Variants in AFF4 observed in about 807,000 individuals in gnomAD.
AFF4 encodes the protein ALF transcription elongation factor 4.
AFF4 carries 13 observed loss-of-function variants against 124.8 expected under a neutral mutation model. The ratio of observed to expected loss-of-function variants is 0.10; its 90% CI spans 0.07 to 0.17. The LOEUF (loss-of-function observed/expected upper bound fraction) is 0.17, where lower values mean the gene tolerates loss of function less well. Ranked by LOEUF, AFF4 falls within the 10% of genes least tolerant of loss-of-function variation. The probability of loss-of-function intolerance (pLI) is 1.00; values close to 1 mark genes in which losing one functional copy is unlikely to be tolerated. For synonymous variants in AFF4, 477 were observed against 496.1 expected (o/e 0.96, Z 0.51); for missense variants, 1,092 against 1,403.8 (o/e 0.78, Z 3.55).
chr5:132,880,290 C>G lies in AFF4; in HGVS notation c.*769G>C. 2.5e-6 allele frequency: 1 copy of G among 398,940 alleles called. No homozygotes were observed. Among genetic ancestry groups the G allele is most frequent in the Non-Finnish European group, 4.4e-6 (1 of 226,022 alleles). 24.7% of individuals were successfully genotyped at this position (398,940 alleles called of 1,614,324 possible). ...GAAATGCTTCTTCTAGAAAGTTTGT[C>G]CTCCCTCTTTTGTAATGCATTAAAT... On this transcript the variant is annotated 3_prime_UTR_variant, in exon 21 of 21. Coordinates refer to ENST00000265343, the MANE Select transcript of AFF4 (RefSeq NM_014423.4).
chr5:132,941,095 G>C (rs1160215032), intron 1 of AFF4, among the ~76,000 whole-genome samples: 1 of 150,744 alleles, frequency 6.6e-6, no homozygotes, highest in African/African-American at 2.4e-5. Flanking sequence ...ATTTTTTTCT[G>C]ATCTTTTTGT....
Position 132,885,058 on chromosome 5 carries a change from T to A in AFF4, c.3143+18A>T. 6.4e-7 allele frequency: 1 copy of A among 1,571,598 alleles called. No individual in the cohort carries two copies. Among genetic ancestry groups the A allele is most frequent in the Non-Finnish European group, 8.7e-7 (1 of 1,154,170 alleles). ...TTTATTGCCACAATAATATTTTACA[T>A]AATAAAATTTTACCTACCTTCCCAA... On this transcript the variant is annotated intron_variant, in intron 19 of 20. Transcript: ENST00000265343.
chr5:132,957,262 G>A (rs1446034409), intron 1 of AFF4, among the ~76,000 whole-genome samples: 1 of 150,530 alleles, frequency 6.6e-6, no homozygotes, highest in Non-Finnish European at 1.5e-5. Flanking sequence ...GATCACATGT[G>A]TGCAGCAGAT....
chr5:132,882,939 T>G (rs1193458897), intron 20 of AFF4, among the ~76,000 whole-genome samples: 6 of 151,962 alleles, frequency 3.9e-5, no homozygotes, highest in Non-Finnish European at 7.4e-5. Context: ...AAATCCAGTA[T>G]GAGCATGCTT....
chr5:132,881,121 G>C lies in AFF4; in HGVS notation c.3430C>G (p.Leu1144Val). The C allele has an allele frequency of 1.2e-6, 2 of 1,614,230 alleles. No individual in the cohort carries two copies. Among genetic ancestry groups the C allele is most frequent in the Non-Finnish European group, 1.7e-6 (2 of 1,180,038 alleles). ...AGTCCCTGCCGGGTATAACGAACTA[G>C]ATCTGTCATGATGCTTGCATTAAAG... Reference protein sequence around the residue: ...LIFNASIMTDLVRYTRQGLHW... With the variant: ...LIFNASIMTDVVRYTRQGLHW... Residue 1144 changes from leucine to valine, a missense_variant, in exon 21 of 21, where the codon CTA (leucine) becomes GTA (valine). Coordinates refer to ENST00000265343, the MANE Select transcript of AFF4 (RefSeq NM_014423.4).
chr5:132,880,137 C>A lies in AFF4; in HGVS notation c.*922G>T, dbSNP rs1461043651. 1 of 398,264 alleles carries A rather than the reference C, an allele frequency of 2.5e-6. No individual in the cohort carries two copies. The highest frequency in any genetic ancestry group is 4.4e-5 in the Admixed American group (1 of 22,716). The allele number at this position is 398,264 out of a possible 1,614,324, so 24.7% of individuals were successfully genotyped here. On this transcript the variant is annotated 3_prime_UTR_variant, in exon 21 of 21. Transcript: ENST00000265343. ...AGGCGGCAATCCTCAGGAGTTGGAT[C>A]ATCCTTTTTTCCACAGTAACTTATT...
chr5:132,954,878 C>T lies in AFF4; in HGVS notation c.-5+8381G>A, dbSNP rs11743267. ...ATGCTCTTTTATCATTTGCTGTCCA[C>T]GGATGGCTAAGTGTTAAGCTCACTG... is the stretch of plus-strand genomic sequence containing the variant. On this transcript the variant is annotated intron_variant, in intron 1 of 20. Transcript: ENST00000265343. 7.0e-3 allele frequency among the ~76,000 whole-genome samples: 1,071 copies of T among 152,304 alleles called. 15 individuals are homozygous for T. The highest frequency in any genetic ancestry group is 0.025 in the South Asian group (122 of 4,826).
chr5:132,907,917 G>A (rs1244258938), intron 5 of AFF4, among the ~76,000 whole-genome samples: 1 of 152,028 alleles, frequency 6.6e-6, no homozygotes, highest in Non-Finnish European at 1.5e-5. Context: ...CAGACTTATA[G>A]ACCATATTAA....
rs1042198989 is a variant in AFF4 at position 132,880,748 on chromosome 5, T to A, written c.*311A>T. 1 of 288,462 alleles carries A rather than the reference T, an allele frequency of 3.5e-6. No homozygotes were observed. The highest frequency in any genetic ancestry group is 2.1e-5 in the African/African-American group (1 of 46,958). 17.9% of individuals were successfully genotyped at this position (288,462 alleles called of 1,614,324 possible). ...CCCCAATCTGGGAACTTAAAAAAATTAAAATAAATAAAATTTCAATTCATT... is the reference window on the plus strand; with the variant it reads ...CCCCAATCTGGGAACTTAAAAAAATAAAAATAAATAAAATTTCAATTCATT... On this transcript the variant is annotated 3_prime_UTR_variant, in exon 21 of 21. Transcript: ENST00000265343.
Position 132,908,901 on chromosome 5 carries a change from G to C in AFF4, c.1051-4497C>G, listed in dbSNP as rs190538192. 9.1e-3 allele frequency among the ~76,000 whole-genome samples: 1,367 copies of C among 150,802 alleles called. 48 individuals are homozygous for C. Among genetic ancestry groups the C allele is most frequent in the Admixed American group, 0.065 (982 of 15,098 alleles). Reference sequence around the variant, plus strand: ...TTCTCCTGCCTCAGCCTTCCAAGTAGCTGGGATTACAGGCACCTGCCACCA... The same window carrying C: ...TTCTCCTGCCTCAGCCTTCCAAGTACCTGGGATTACAGGCACCTGCCACCA... On this transcript the variant is annotated intron_variant, in intron 5 of 20. Coordinates refer to ENST00000265343, the MANE Select transcript of AFF4 (RefSeq NM_014423.4).
rs55844143 is a variant in AFF4 at position 132,904,421 on chromosome 5, T to G, written c.1051-17A>C. 4,370 of 1,600,292 alleles carry G rather than the reference T, an allele frequency of 2.7e-3. 124 individuals carry two copies. In the African/African-American group the frequency reaches 0.053, roughly 19 times the overall value. Reference sequence around the variant, plus strand: ...CTGAGACTCCTAAGAAAAAGGAACATAAAATTATACAAAGTTACACTAAAA... The same window carrying G: ...CTGAGACTCCTAAGAAAAAGGAACAGAAAATTATACAAAGTTACACTAAAA... On this transcript the variant is annotated splice_polypyrimidine_tract_variant and intron_variant, in intron 5 of 20. Transcript: ENST00000265343.
Position 132,897,174 on chromosome 5 carries a change from C to T in AFF4, c.1456G>A (p.Val486Met), listed in dbSNP as rs757271830. 3 of 1,614,158 alleles carry T rather than the reference C, an allele frequency of 1.9e-6. No individual in the cohort carries two copies. Among genetic ancestry groups the T allele is most frequent in the Non-Finnish European group, 2.5e-6 (3 of 1,180,038 alleles). The change falls in exon 11 of 21, where the codon GTG becomes ATG. Residue 486 changes from valine (V) to methionine (M), a missense_variant. Transcript: ENST00000265343. The stretch of plus-strand genomic sequence containing the variant: ...CTGTCCACTGAAGAGGCGGGTGACA[C>T]TTTATGTGGGTTCACTTTATTCAGC... Reference protein sequence around the residue: ...NWLNKVNPHKVSPASSVDSNI... With the variant: ...NWLNKVNPHKMSPASSVDSNI...
In AFF4 at chr5:132,888,600, A is replaced by C. The variant is rs533095591; in HGVS notation, c.2733-440T>G. Among the ~76,000 whole-genome samples, 344 of 152,348 alleles carry C rather than the reference A, an allele frequency of 2.3e-3. 1 individual carries two copies. Among genetic ancestry groups the C allele is most frequent in the African/African-American group, 8.1e-3 (336 of 41,582 alleles). ...CATCCCTCATGGGAGTCATGGAGTT[A>C]AGCTAAAGGAGCCGTACTTGGACTA... On this transcript the variant is annotated intron_variant, in intron 14 of 20. Coordinates refer to ENST00000265343, the MANE Select transcript of AFF4 (RefSeq NM_014423.4).
At chr5:132,942,317 C>T (rs1761589331) in intron 1 of AFF4, among the ~76,000 whole-genome samples, 1 of 152,120 alleles carries the variant, frequency 6.6e-6, no homozygotes. Context: ...TATAAATAAA[C>T]CGTCAAATGA....
Position 132,897,113 on chromosome 5 carries a change from C to A in AFF4, c.1517G>T (p.Gly506Val). 9 of 1,614,172 alleles carry A rather than the reference C, an allele frequency of 5.6e-6. No homozygotes were observed. The highest frequency in any genetic ancestry group is 7.6e-6 in the Non-Finnish European group (9 of 1,180,046). The change falls in exon 11 of 21, where the codon GGC becomes GTC. Residue 506 changes from glycine to valine, a missense_variant. This residue lies in a region of AFF4 where 174 missense variants were observed against 205.9 expected (regional missense o/e 0.84). Coordinates refer to ENST00000265343, the MANE Select transcript of AFF4 (RefSeq NM_014423.4). ...IPSSQGYKKE[G>V]REQGTGNSYT... is the part of the protein sequence containing the mutation. Reference sequence around the variant, plus strand: ...GCTATTCCCAGTGCCCTGCTCTCGGCCTTCCTTTTTGTAGCCTTGAGATGA... The same window carrying A: ...GCTATTCCCAGTGCCCTGCTCTCGGACTTCCTTTTTGTAGCCTTGAGATGA...
In AFF4 at chr5:132,889,065, T is replaced by G. The variant is rs773259516; in HGVS notation, c.2732+14A>C. The stretch of plus-strand genomic sequence containing the variant: ...ATTTCTTAAATACAGATACAAAAAA[T>G]CATATTATCTCACCTGTCATCAAAG... On this transcript the variant is annotated intron_variant, in intron 14 of 20. Coordinates refer to ENST00000265343, the MANE Select transcript of AFF4 (RefSeq NM_014423.4). The G allele has an allele frequency of 1.9e-6, 3 of 1,596,200 alleles. No individual in the cohort carries two copies. The highest frequency in any genetic ancestry group is 1.7e-4 in the Middle Eastern group (1 of 6,014).
chr5:132,960,419 T>C (rs978678669), intron 1 of AFF4, among the ~76,000 whole-genome samples: 2 of 152,222 alleles, frequency 1.3e-5, no homozygotes, highest in Admixed American at 1.3e-4. Context: ...CTCTTTGATT[T>C]TATTAAAAAT....
intron 1 of AFF4, among the ~76,000 whole-genome samples, chr5:132,958,465 CAAAAAAAA>C (rs34337170): frequency 1.8e-4 from 10 of 55,712 alleles, no homozygotes; most frequent in African/African-American, 6.8e-4. Context: ...GACCCTGTCT[CAAAAAAAA>C]AAAAAAAAAA....
At chr5:132,901,334 G>A (rs1434564424) in intron 7 of AFF4, among the ~76,000 whole-genome samples, 1 of 152,200 alleles carries the variant, frequency 6.6e-6, no homozygotes, top group Non-Finnish European at 1.5e-5. Flanking sequence ...AAATAAGTAT[G>A]ATGAATAGGA....
Sources: allele counts gnomAD v4.1 joint callset (sites outside exome capture counted in the v4.1 genomes callset), GRCh38; gene constraint gnomAD v4.1.1; regional missense constraint gnomAD v4.1.1; transcripts MANE v1.5; gene names NCBI Gene and HGNC (gene_info 2026-07-23, HGNC 2026-07-21).